The following MTF2 variants were observed in gnomAD, a reference collection of about 807,000 sequenced individuals.
MTF2 encodes metal response element binding transcription factor 2.
MTF2 carries 11 observed loss-of-function variants against 79.5 expected under a neutral mutation model. That is an observed-to-expected ratio of 0.14 (90% CI 0.09 to 0.23). MTF2 has a LOEUF of 0.23. Among genes scored for constraint, MTF2 ranks in the 10% least tolerant of loss-of-function variants. The pLI is 1.00. For synonymous variants in MTF2, 208 were observed against 232.8 expected, an observed-to-expected ratio of 0.89 and a Z score of 0.97; for missense variants, 486 against 711.2, an observed-to-expected ratio of 0.68 and a Z score of 3.60.
chr1:93,131,760 G>A (rs1358629793), intron 11 of MTF2, among the ~76,000 whole-genome samples: 4 of 152,144 alleles, frequency 2.6e-5, no homozygotes, highest in Non-Finnish European at 5.9e-5. Flanking sequence ...GTGGAGAAGA[G>A]GAAATTGGTA....
At position 93,138,455 on chromosome 1, in the gene MTF2, T is replaced by A. The variant is rs553533529; in HGVS notation, c.*1428T>A. 4.6e-5 allele frequency: 7 copies of A among 152,350 alleles called. No individual in the cohort carries two copies. Among genetic ancestry groups the A allele is most frequent in the Non-Finnish European group, 8.8e-5 (6 of 68,018 alleles). 9.4% of individuals were successfully genotyped at this position (152,350 alleles called of 1,614,324 possible). ...ACAGAGTGGTTAAAATGTGGGTTAG[T>A]ACTTATTTATTCCATTAATTGATTA... is the stretch of plus-strand genomic sequence containing the variant. On this transcript the variant is annotated 3_prime_UTR_variant, in exon 15 of 15. Coordinates refer to ENST00000370298, the MANE Select transcript of MTF2 (RefSeq NM_007358.4).
chr1:93,118,452 A>G lies in MTF2; in HGVS notation c.728+12A>G. The G allele has an allele frequency of 6.5e-7, 1 of 1,549,222 alleles. No homozygotes were observed. Among genetic ancestry groups the G allele is most frequent in the Non-Finnish European group, 8.7e-7 (1 of 1,145,198 alleles). ...CTATTTGGAGACAGGTGAGAAGGGC[A>G]TTTGAACTTTACTGGCTGATTTTTG... On this transcript the variant is annotated intron_variant, in intron 7 of 14. Coordinates refer to ENST00000370298, the MANE Select transcript of MTF2 (RefSeq NM_007358.4).
At chr1:93,120,910 C>A in intron 9 of MTF2, 1 of 1,170,222 alleles carries the variant, frequency 8.5e-7, no homozygotes, top group South Asian at 2.3e-5. Context: ...TTATTTGATT[C>A]TTTCATTTTC....
At position 93,130,994 on chromosome 1, in the gene MTF2, A is replaced by G. The variant is rs1656895625; in HGVS notation, c.1160+1546A>G. 3.3e-5 allele frequency among the ~76,000 whole-genome samples: 5 copies of G among 152,146 alleles called. No individual in the cohort carries two copies. In the South Asian group the frequency reaches 1.0e-3, roughly 32 times the overall value. On this transcript the variant is annotated intron_variant, in intron 11 of 14. Transcript: ENST00000370298. ...ACCCTCATACACACAGGATGATGTG[A>G]AATACAGGCAATTGGATGTGTAATT... is the stretch of plus-strand genomic sequence containing the variant.
At chr1:93,105,299 G>A (rs1655726743) in intron 1 of MTF2, among the ~76,000 whole-genome samples, 1 of 152,122 alleles carries the variant, frequency 6.6e-6, no homozygotes, top group African/African-American at 2.4e-5. Flanking sequence ...GCAAATGGGA[G>A]GAAAGAGTAG....
intron 1 of MTF2, among the ~76,000 whole-genome samples, chr1:93,091,266 A>C (rs1166876736): frequency 6.6e-6 from 1 of 152,012 alleles, no homozygotes; most frequent in Non-Finnish European, 1.5e-5. Context: ...TTTTTTTGGT[A>C]ATATTTTACT....
chr1:93,090,324 C>T (rs937376368), intron 1 of MTF2, among the ~76,000 whole-genome samples: 10 of 150,030 alleles, frequency 6.7e-5, no homozygotes, highest in South Asian at 2.1e-4. Context: ...GCTGGCCAGG[C>T]GGGTCTTGAA....
intron 1 of MTF2, among the ~76,000 whole-genome samples, chr1:93,080,395 A>G (rs1035333189): frequency 1.3e-5 from 2 of 152,194 alleles, no homozygotes; most frequent in Non-Finnish European, 1.5e-5. Context: ...TTTGGAAGCA[A>G]TTAGAGGGAA....
intron 1 of MTF2, among the ~76,000 whole-genome samples, chr1:93,094,513 G>C (rs1331179121): frequency 6.6e-6 from 1 of 152,022 alleles, no homozygotes; most frequent in Non-Finnish European, 1.5e-5. Flanking sequence ...TTCTATCTTA[G>C]ATCTTGCCTC....
At chr1:93,093,050 C>T (rs186974686) in intron 1 of MTF2, among the ~76,000 whole-genome samples, 116 of 152,108 alleles carry the variant, frequency 7.6e-4, no homozygotes, top group African/African-American at 2.7e-3. Context: ...GGCGTGGTGG[C>T]ACATACCTGT....
intron 5 of MTF2, 120 bp from the exon 6 acceptor site, chr1:93,115,350 T>G: frequency 1.2e-6 from 1 of 834,486 alleles, no homozygotes; most frequent in Non-Finnish European, 1.8e-6. Flanking sequence ...AGACAGTTTG[T>G]GATATGGTAA....
At chr1:93,128,259 A>G (rs1432028312) in intron 10 of MTF2, among the ~76,000 whole-genome samples, 1 of 152,018 alleles carries the variant, frequency 6.6e-6, no homozygotes, top group African/African-American at 2.4e-5. Flanking sequence ...TAAACCTGCA[A>G]AAAAGTAGAA....
intron 1 of MTF2, among the ~76,000 whole-genome samples, chr1:93,090,050 C>T (rs1655011608): frequency 6.6e-6 from 1 of 152,142 alleles, no homozygotes; most frequent in Admixed American, 6.6e-5. Context: ...GATCTCGGCT[C>T]ACTGCAAGCT....
intron 11 of MTF2, among the ~76,000 whole-genome samples, chr1:93,129,916 G>T (rs574957743): frequency 5.8e-4 from 88 of 152,280 alleles, no homozygotes; most frequent in African/African-American, 2.1e-3. Flanking sequence ...TGCCATGTAG[G>T]ATAGCATACT....
Position 93,137,044 on chromosome 1 carries a change from T to A in MTF2, c.*17T>A. The stretch of plus-strand genomic sequence containing the variant: ...GCATCCTGACTGTAGGACTGAACAT[T>A]ATGTTCACTGCACTCTGATTTTCTG... On this transcript the variant is annotated 3_prime_UTR_variant, in exon 15 of 15. Transcript: ENST00000370298. 6.3e-7 allele frequency: 1 copy of A among 1,580,684 alleles called. No individual in the cohort carries two copies. The highest frequency in any genetic ancestry group is 8.7e-7 in the Non-Finnish European group (1 of 1,150,714).
Position 93,137,259 on chromosome 1 carries a change from T to C in MTF2, c.*232T>C. On this transcript the variant is annotated 3_prime_UTR_variant, in exon 15 of 15. Transcript: ENST00000370298. ...GACTTAATTTTTTAAATCTTAAGAT[T>C]TGTAGAATGTTTCTAGGATAGGATA... 1 of 385,096 alleles carries C rather than the reference T, an allele frequency of 2.6e-6. No homozygotes were observed. The highest frequency in any genetic ancestry group is 4.0e-5 in the East Asian group (1 of 24,950). 23.9% of individuals were successfully genotyped at this position (385,096 alleles called of 1,614,324 possible). A position where few individuals can be genotyped will look rare whatever the true frequency, so the allele number is the denominator to read the frequency against.
chr1:93,122,272 G>A (rs944908912), intron 9 of MTF2, among the ~76,000 whole-genome samples: 4 of 152,086 alleles, frequency 2.6e-5, no homozygotes, highest in Non-Finnish European at 4.4e-5. Context: ...AGATACATAT[G>A]TATACCTGTT....
chr1:93,084,695 G>C (rs991399496), intron 1 of MTF2, among the ~76,000 whole-genome samples: 1 of 151,710 alleles, frequency 6.6e-6, no homozygotes, highest in Admixed American at 6.6e-5. Flanking sequence ...TACAATTCTC[G>C]AACTTCTTCT....
chr1:93,128,391 C>T (rs1656784252), intron 10 of MTF2, among the ~76,000 whole-genome samples: 2 of 151,744 alleles, frequency 1.3e-5, no homozygotes, highest in Admixed American at 1.3e-4. Flanking sequence ...AACCCTGTCT[C>T]TACTAAAAAT....
Sources: allele counts gnomAD v4.1 joint callset (sites outside exome capture counted in the v4.1 genomes callset), GRCh38; gene constraint gnomAD v4.1.1; transcripts MANE v1.5; gene names NCBI Gene and HGNC (gene_info 2026-07-23, HGNC 2026-07-21).